Variants in TRPC5 observed in about 807,000 individuals in gnomAD.
The protein encoded by TRPC5 is transient receptor potential cation channel subfamily C member 5, also known as short transient receptor potential channel 5.
In TRPC5, 9 loss-of-function variants were observed where a neutral mutation model predicts 56.5. That is an observed-to-expected ratio of 0.16 (90% CI 0.10 to 0.28). The LOEUF (loss-of-function observed/expected upper bound fraction) is 0.28, where lower values mean the gene tolerates loss of function less well. Ranked by LOEUF, TRPC5 falls within the 10% of genes least tolerant of loss-of-function variation. The pLI, the probability that TRPC5 is intolerant of heterozygous loss-of-function variation, is 1.00. For synonymous variants in TRPC5, 282 were observed against 278.5 expected, an observed-to-expected ratio of 1.01 and a Z score of -0.13; for missense variants, 469 against 748.9, an observed-to-expected ratio of 0.63 and a Z score of 4.36.
chrX:111,849,742 T>G (rs1416754117), intron 5 of TRPC5, among the ~76,000 whole-genome samples: 1 of 112,040 alleles, frequency 8.9e-6, no homozygotes, highest in Non-Finnish European at 1.9e-5. Context: ...AAAAAATTTT[T>G]TAAAAGGTTG....
intron 3 of TRPC5, among the ~76,000 whole-genome samples, chrX:111,897,420 A>G (rs777821914): frequency 9.0e-6 from 1 of 111,049 alleles, no homozygotes; most frequent in African/African-American, 3.3e-5. Flanking sequence ...AAATGTACAA[A>G]TCTTTAGAGT....
intron 1 of TRPC5, among the ~76,000 whole-genome samples, chrX:111,975,833 G>A (rs1167728882): frequency 2.7e-5 from 3 of 112,219 alleles, no homozygotes; most frequent in African/African-American, 6.5e-5. Flanking sequence ...AAAGCGGAGA[G>A]GCGGAGCTTG....
At position 111,785,366 on chromosome X, in the gene TRPC5, A is replaced by C. The variant is rs757422134; in HGVS notation, c.1897-3228T>G. Among the ~76,000 whole-genome samples the C allele has an allele frequency of 6.2e-5, 7 of 112,206 alleles. No homozygotes were observed. In the South Asian group the frequency reaches 2.6e-3, roughly 42 times the overall value. On this transcript the variant is annotated intron_variant, in intron 7 of 10. Coordinates refer to ENST00000262839, the MANE Select transcript of TRPC5 (RefSeq NM_012471.3). ...TAACAAACAGATGGGAATAGCATCA[A>C]CATCAACAAAAAGGTCATCTATACC... is the stretch of plus-strand genomic sequence containing the variant.
At chrX:111,939,120 G>T (rs149014698) in intron 2 of TRPC5, among the ~76,000 whole-genome samples, 11,126 of 111,484 alleles carry the variant, frequency 0.1, 543 homozygotes, top group African/African-American at 0.19. Context: ...GGATGCTGAA[G>T]GTTATCAAAT....
At chrX:111,875,573 T>TTTC (rs1491466552) in intron 3 of TRPC5, among the ~76,000 whole-genome samples, 2 of 65,837 alleles carry the variant, frequency 3.0e-5, no homozygotes, top group African/African-American at 2.7e-4. Context: ...TTTTTCTTTC[T>TTTC]TTTTTTTTTT....
At chrX:112,073,788 G>A (rs1038254178) in intron 1 of TRPC5, among the ~76,000 whole-genome samples, 1 of 111,148 alleles carries the variant, frequency 9.0e-6, no homozygotes. Flanking sequence ...TATCTTCCTC[G>A]CCTTATTATC....
chrX:111,967,898 A>T (rs1327723389), intron 1 of TRPC5, among the ~76,000 whole-genome samples: 1 of 111,601 alleles, frequency 9.0e-6, no homozygotes, highest in Non-Finnish European at 1.9e-5. Context: ...AATACCATTC[A>T]GGACATAGGC....
intron 2 of TRPC5, among the ~76,000 whole-genome samples, chrX:111,920,346 C>T (rs1405641285): frequency 9.0e-6 from 1 of 111,137 alleles, no homozygotes; most frequent in Non-Finnish European, 1.9e-5. Flanking sequence ...TAGTCTTCAC[C>T]TGGGCAAAAC....
chrX:111,847,392 C>A lies in TRPC5; in HGVS notation c.1422G>T (p.Pro474=), dbSNP rs1421671340. ...CGAAGAGTGCTTCCGCAATCAGAGT[C>A]GGGTGCCACATTTCCCATTCCTCCC... ...RPREEWEMWH[P]TLIAEALFAI... is the part of the protein sequence containing the mutation. Residue 474 remains proline (P), a synonymous_variant, in exon 6 of 11, where the codon CCG becomes CCT. Transcript: ENST00000262839. The A allele has an allele frequency of 2.5e-6, 3 of 1,209,085 alleles. No homozygotes were observed. The South Asian group carries it at 5.3e-5, about 21-fold the overall frequency.
Position 111,805,769 on chromosome X carries a change from C to T in TRPC5, c.1897-23631G>A, listed in dbSNP as rs1228561529. ...GCTTACTGCAACCTCACCTCCCAGG[C>T]TCAAGTGATATTCCCACCTCAACCT... On this transcript the variant is annotated intron_variant, in intron 7 of 10. Transcript: ENST00000262839. 1.4e-4 allele frequency among the ~76,000 whole-genome samples: 15 copies of T among 110,931 alleles called. No individual in the cohort carries two copies. The Admixed American group carries it at 1.4e-3, about 11-fold the overall frequency.
chrX:111,916,597 C>A (rs1049421156), intron 2 of TRPC5, among the ~76,000 whole-genome samples: 2 of 111,518 alleles, frequency 1.8e-5, no homozygotes, highest in Non-Finnish European at 3.8e-5. Flanking sequence ...AAATCAGGAC[C>A]AGGTGTAGGT....
intron 1 of TRPC5, among the ~76,000 whole-genome samples, chrX:112,048,399 C>CAAAAAAAAAAAAA (rs58537492): frequency 8.4e-4 from 18 of 21,483 alleles, no homozygotes; most frequent in Admixed American, 4.0e-3. Context: ...GACTCCGTAT[C>CAAAAAAAAAAAAA]AAAAAAAAAA....
rs1399422334 is a variant in TRPC5, at chrX:111,975,612, T to G, written c.-21-23171A>C. ...CCCCGACAGACTAAAAAGATCATGT[T>G]ACAGCCGGGCGTGGGGGCTCACGCC... is the stretch of plus-strand genomic sequence containing the variant. On this transcript the variant is annotated intron_variant, in intron 1 of 10. Transcript: ENST00000262839. Among the ~76,000 whole-genome samples, 3 of 111,111 alleles carry G rather than the reference T, an allele frequency of 2.7e-5. No homozygotes were observed. In the Admixed American group the frequency reaches 2.9e-4, roughly 11 times the overall value.
chrX:112,031,121 A>G (rs759562638), intron 1 of TRPC5, among the ~76,000 whole-genome samples: 4 of 111,829 alleles, frequency 3.6e-5, no homozygotes, highest in Non-Finnish European at 7.5e-5. Context: ...ATTGCTTTCC[A>G]TAAGAGTTCT....
chrX:111,944,874 C>G (rs924300302), intron 2 of TRPC5, among the ~76,000 whole-genome samples: 1 of 110,953 alleles, frequency 9.0e-6, no homozygotes, highest in African/African-American at 3.3e-5. Flanking sequence ...CATGCTGATA[C>G]ATTCTTATCA....
chrX:111,897,752 A>G (rs1025494948), intron 3 of TRPC5, among the ~76,000 whole-genome samples: 12 of 111,417 alleles, frequency 1.1e-4, no homozygotes, highest in African/African-American at 3.9e-4. Context: ...CATTGTGTGA[A>G]TATACCACAG....
Position 111,779,182 on chromosome X carries a change from A to T in TRPC5, c.2143-108T>A. 3 of 457,577 alleles carry T rather than the reference A, an allele frequency of 6.6e-6. No individual in the cohort carries two copies. In the South Asian group the frequency reaches 1.8e-4, roughly 27 times the overall value. The allele number at this position is 457,577 out of a possible 1,213,427, so 37.7% of individuals were successfully genotyped here. On this transcript the variant is annotated intron_variant, in intron 9 of 10. Transcript: ENST00000262839. ...ATGCTTAGACCTTCTTTGCAGTAGAAAATCCTCATAGGATCCAGCCTTTTA... is the reference window on the plus strand; with the variant it reads ...ATGCTTAGACCTTCTTTGCAGTAGATAATCCTCATAGGATCCAGCCTTTTA...
chrX:111,969,791 G>T (rs1403600689), intron 1 of TRPC5, among the ~76,000 whole-genome samples: 1 of 111,224 alleles, frequency 9.0e-6, no homozygotes, highest in African/African-American at 3.3e-5. Flanking sequence ...CTACTTGTTG[G>T]AGGGTGATGA....
chrX:111,892,032 G>T (rs1490705668), intron 3 of TRPC5, among the ~76,000 whole-genome samples: 3 of 111,831 alleles, frequency 2.7e-5, no homozygotes, highest in African/African-American at 9.8e-5. Context: ...GCAGGCAGAG[G>T]GAAGCAATCT....
Sources: gnomAD v4.1 joint callset for allele counts (sites outside exome capture counted in the v4.1 genomes callset) on GRCh38, gnomAD v4.1.1 for gene constraint, MANE v1.5 for transcripts, NCBI Gene and HGNC (gene_info 2026-07-23, HGNC 2026-07-21) for gene names.